The following RHOBTB3 variants were observed in gnomAD, a reference collection of about 807,000 sequenced individuals.
The protein encoded by RHOBTB3 is rho-related BTB domain-containing protein 3.
Under a neutral mutation model 67.2 loss-of-function variants are expected in RHOBTB3, and 47 were observed. The ratio of observed to expected loss-of-function variants is 0.70; its 90% CI spans 0.55 to 0.89. The LOEUF is 0.89. RHOBTB3 is among the 40% of genes least tolerant of loss of function. The probability of loss-of-function intolerance (pLI) is 0.00; values close to 1 mark genes in which losing one functional copy is unlikely to be tolerated. For synonymous variants in RHOBTB3, 273 were observed against 274.2 expected (o/e 1.00, Z 0.04); for missense variants, 631 against 750.0 (o/e 0.84, Z 1.85).
At chr5:95,735,975 A>G (rs1233027174) in intron 2 of RHOBTB3, among the ~76,000 whole-genome samples, 1 of 152,018 alleles carries the variant, frequency 6.6e-6, no homozygotes, top group Non-Finnish European at 1.5e-5. Flanking sequence ...GGTGGTACAC[A>G]CCTGTAGTCC....
intron 2 of RHOBTB3, among the ~76,000 whole-genome samples, chr5:95,733,329 G>A (rs1755356803): frequency 1.3e-5 from 2 of 152,170 alleles, no homozygotes; most frequent in South Asian, 4.1e-4. Context: ...TTTTACTTGG[G>A]ATCTTTCGTT....
At chr5:95,724,345 C>T (rs1561433574) in intron 1 of RHOBTB3, among the ~76,000 whole-genome samples, 2 of 152,204 alleles carry the variant, frequency 1.3e-5, no homozygotes, top group Admixed American at 6.5e-5. Flanking sequence ...GTTTCTGAAA[C>T]TAATCAGAAG....
intron 3 of RHOBTB3, among the ~76,000 whole-genome samples, chr5:95,742,543 G>T (rs975452153): frequency 6.6e-6 from 1 of 152,072 alleles, no homozygotes; most frequent in Non-Finnish European, 1.5e-5. Flanking sequence ...GGAACTTCTG[G>T]ATCTCTTCTC....
At chr5:95,718,465 G>T (rs953126796) in intron 1 of RHOBTB3, among the ~76,000 whole-genome samples, 1 of 152,198 alleles carries the variant, frequency 6.6e-6, no homozygotes, top group African/African-American at 2.4e-5. Context: ...GAAGCTGAGG[G>T]AAGTTCCCCA....
chr5:95,771,632 T>C (rs1745717782), intron 8 of RHOBTB3, among the ~76,000 whole-genome samples: 1 of 152,242 alleles, frequency 6.6e-6, no homozygotes, highest in Admixed American at 6.5e-5. Flanking sequence ...CTTGATTTAT[T>C]TGTTGCCTAA....
chr5:95,787,783 G>A (rs779601699), intron 10 of RHOBTB3, among the ~76,000 whole-genome samples: 2 of 152,182 alleles, frequency 1.3e-5, no homozygotes, highest in Non-Finnish European at 2.9e-5. Context: ...ACTTATATGA[G>A]GTACCTAGAA....
Position 95,764,323 on chromosome 5 carries a change from G to A in RHOBTB3, c.1161+703G>A, listed in dbSNP as rs547458383. On this transcript the variant is annotated intron_variant, in intron 7 of 11. Transcript: ENST00000379982. ...CTCCTCACAATTTAAGTCTCAAATA[G>A]TTTTTGAGAGGAAGGCAGTTTTGAA... Among the ~76,000 whole-genome samples the A allele has an allele frequency of 1.2e-3, 178 of 152,264 alleles. 4 individuals carry two copies. The South Asian group carries it at 0.028, about 24-fold the overall frequency.
upstream of RHOBTB3, chr5:95,731,274 G>A (rs982378105): frequency 9.8e-7 from 1 of 1,015,440 alleles, no homozygotes; most frequent in Non-Finnish European, 1.2e-6. Context: ...CTGAGGGGGC[G>A]GAGGCCCCGA....
rs746766713 is a variant in RHOBTB3 at position 95,748,362 on chromosome 5, A to G, written c.445A>G (p.Thr149Ala). The change falls in exon 4 of 12, where the codon ACC (threonine) becomes GCC (alanine). Residue 149 changes from threonine to alanine, a missense_variant. Physicochemically the swap from Thr to Ala is moderately conservative, Grantham distance 58. Transcript: ENST00000379982. Reference sequence around the variant, plus strand: ...GTTACCTTGTACATGCCCACTATGTACCTCAGACAGAGGGAGCTGTGTTAG... The same window carrying G: ...GTTACCTTGTACATGCCCACTATGTGCCTCAGACAGAGGGAGCTGTGTTAG... ...EELPCTCPLCTSDRGSCVSTT... is the reference protein window; with the variant it reads ...EELPCTCPLCASDRGSCVSTT... 2 of 1,612,482 alleles carry G rather than the reference A, an allele frequency of 1.2e-6. No individual in the cohort carries two copies. Among genetic ancestry groups the G allele is most frequent in the Non-Finnish European group, 8.5e-7 (1 of 1,179,024 alleles).
intron 9 of RHOBTB3, chr5:95,782,948 G>A (rs1746102583): frequency 1.3e-5 from 2 of 150,670 alleles, no homozygotes; most frequent in Non-Finnish European, 2.9e-5. Context: ...CAAGGATCTA[G>A]TTTAGCTAAC....
chr5:95,783,583 A>G lies in RHOBTB3; in HGVS notation c.1457-214A>G, dbSNP rs981555738. ...CTACAAAAAAAAAAAAAAAAAAAAA[A>G]AAGAAGAAGAAGAAAGGAAAGAAAA... is the stretch of plus-strand genomic sequence containing the variant. On this transcript the variant is annotated intron_variant, in intron 9 of 11. Coordinates refer to ENST00000379982, the MANE Select transcript of RHOBTB3 (RefSeq NM_014899.4). 4.1e-5 allele frequency: 10 copies of G among 241,110 alleles called. No homozygotes were observed. The South Asian group carries it at 4.9e-4, about 12-fold the overall frequency. 14.9% of individuals were successfully genotyped at this position (241,110 alleles called of 1,614,324 possible).
At chr5:95,771,023 T>G (rs1258663229) in intron 8 of RHOBTB3, among the ~76,000 whole-genome samples, 1 of 152,238 alleles carries the variant, frequency 6.6e-6, no homozygotes, top group Non-Finnish European at 1.5e-5. Flanking sequence ...TGAGGCATTT[T>G]TACTACTATG....
chr5:95,744,415 CTG>C (rs1755691917), intron 3 of RHOBTB3, among the ~76,000 whole-genome samples: 1 of 151,932 alleles, frequency 6.6e-6, no homozygotes, highest in Non-Finnish European at 1.5e-5. Context: ...TATATTATAA[CTG>C]TTTGCAGTCA....
At chr5:95,733,868 G>A (rs1235731632) in intron 2 of RHOBTB3, among the ~76,000 whole-genome samples, 4 of 152,188 alleles carry the variant, frequency 2.6e-5, no homozygotes, top group Non-Finnish European at 4.4e-5. Flanking sequence ...AAATATAGCA[G>A]AGCAGATAGA....
upstream of RHOBTB3, chr5:95,731,112 C>T: frequency 9.2e-7 from 1 of 1,084,676 alleles, no homozygotes; most frequent in Non-Finnish European, 1.1e-6. Context: ...CGGGCTGGGG[C>T]GTTGTATTTA....
chr5:95,748,291 G>A, intron 3 of RHOBTB3, 42 bp from the exon 4 acceptor site: 3 of 1,495,240 alleles, frequency 2.0e-6, no homozygotes, highest in South Asian at 1.3e-5. Context: ...TTTTTTTCCT[G>A]TTTAATTTCG....
chr5:95,767,704 T>A, intron 7 of RHOBTB3: 1 of 632,650 alleles, frequency 1.6e-6, no homozygotes, highest in East Asian at 2.8e-5. Flanking sequence ...TGTAAACATA[T>A]TTTAGTAGGC....
rs59816320 is a variant in RHOBTB3 at position 95,732,078 on chromosome 5, C to T, written c.222C>T (p.Pro74=). The T allele has an allele frequency of 1.1e-4, 179 of 1,613,944 alleles. 1 individual carries two copies. The Admixed American group carries it at 2.7e-3, about 24-fold the overall frequency. Residue 74 remains proline, a synonymous_variant, in exon 2 of 12, where the codon CCC becomes CCT. Transcript: ENST00000379982. ...TCAAGCTGGTGGTCCACGACTGTCCCGTCTGGGTAAGGAAGAGCAGCTGCT... is the reference window on the plus strand; with the variant it reads ...TCAAGCTGGTGGTCCACGACTGTCCTGTCTGGGTAAGGAAGAGCAGCTGCT... ...GNVKLVVHDC[P]VWDIFDSDWY...
Position 95,755,573 on chromosome 5 carries a change from T to C in RHOBTB3, c.860T>C (p.Val287Ala), listed in dbSNP as rs1045697097. Residue 287 changes from valine to alanine, a missense_variant, in exon 6 of 12, where the codon GTG becomes GCG. Val to Ala is a moderately conservative substitution (Grantham distance 64, BLOSUM62 0). Coordinates refer to ENST00000379982, the MANE Select transcript of RHOBTB3 (RefSeq NM_014899.4). ...VSHVFMLLFN[V>A]KSPTDIQDSS... The stretch of plus-strand genomic sequence containing the variant: ...CATGTTTTCATGCTGCTTTTCAATG[T>C]GAAGAGTCCCACTGACATTCAGGAT... 6.2e-7 allele frequency: 1 copy of C among 1,614,040 alleles called. No individual in the cohort carries two copies. The highest frequency in any genetic ancestry group is 1.3e-5 in the African/African-American group (1 of 74,932).
Sources: gnomAD v4.1 joint callset for allele counts (sites outside exome capture counted in the v4.1 genomes callset) on GRCh38, gnomAD v4.1.1 for gene constraint, MANE v1.5 for transcripts, NCBI Gene and HGNC (gene_info 2026-07-23, HGNC 2026-07-21) for gene names.